Variants in LRIF1 observed in about 807,000 individuals in gnomAD.
LRIF1 encodes ligand dependent nuclear receptor interacting factor 1.
Under a neutral mutation model 52.7 loss-of-function variants are expected in LRIF1, and 32 were observed. The ratio of observed to expected loss-of-function variants is 0.61; its 90% CI spans 0.46 to 0.82. LRIF1 has a LOEUF of 0.82. Among genes scored for constraint, LRIF1 ranks in the 40% least tolerant of loss-of-function variants. The pLI is 0.00. For synonymous variants in LRIF1, 323 were observed against 317.4 expected (o/e 1.02, Z -0.19); for missense variants, 887 against 892.0 (o/e 0.99, Z 0.07).
chr1:110,892,466 T>A, the LRIF1 span: 2 of 1,614,132 alleles, frequency 1.2e-6, no homozygotes, highest in Middle Eastern at 1.7e-4. Flanking sequence ...GTGGGCTCTA[T>A]TATCATGGTA....
the LRIF1 span, among the ~76,000 whole-genome samples, chr1:110,922,864 C>T: frequency 6.6e-6 from 1 of 152,202 alleles, no homozygotes; most frequent in Non-Finnish European, 1.5e-5. Context: ...GAGGCTATGG[C>T]ATTCCTTGGG....
At chr1:110,961,480 C>T (rs1293322233) in intron 1 of LRIF1, among the ~76,000 whole-genome samples, 1 of 152,144 alleles carries the variant, frequency 6.6e-6, no homozygotes, top group Non-Finnish European at 1.5e-5. Context: ...AAATTAAATG[C>T]ATACCATCAC....
the LRIF1 span, chr1:110,897,981 A>T: frequency 1.6e-6 from 1 of 640,434 alleles, no homozygotes; most frequent in Non-Finnish European, 2.7e-6. Flanking sequence ...CAGTATTTAC[A>T]CAATAAATGT....
Position 110,952,460 on chromosome 1 carries a change from T to C in LRIF1, c.424A>G (p.Ile142Val). Residue 142 changes from isoleucine to valine, a missense_variant, in exon 2 of 4, where the codon ATT becomes GTT. Transcript: ENST00000369763. ...AATGTTTGCATGGTGAGTCCATCAA[T>C]TTTCACACCATGACTCTGAACTTTA... ...VSKVQSHGVK[I>V]DGLTMQTFAV... The C allele has an allele frequency of 1.9e-6, 3 of 1,612,270 alleles. No homozygotes were observed. Among genetic ancestry groups the C allele is most frequent in the Non-Finnish European group, 2.5e-6 (3 of 1,178,454 alleles).
the LRIF1 span, chr1:110,937,138 T>C: frequency 6.6e-6 from 1 of 152,214 alleles, no homozygotes; most frequent in Non-Finnish European, 1.5e-5. Flanking sequence ...AGCTGGAGAC[T>C]TGAACACCCA....
chr1:110,954,995 C>T (rs1025200193), intron 1 of LRIF1, among the ~76,000 whole-genome samples: 5 of 152,174 alleles, frequency 3.3e-5, no homozygotes, highest in African/African-American at 7.2e-5. Flanking sequence ...TTATCACTTA[C>T]GCATGAACAA....
chr1:110,896,808 A>G, the LRIF1 span: 3 of 1,257,886 alleles, frequency 2.4e-6, no homozygotes, highest in East Asian at 7.0e-5. Flanking sequence ...CTGCAGTCAT[A>G]GAGGACCTAG....
the LRIF1 span, among the ~76,000 whole-genome samples, chr1:110,909,997 C>CT: frequency 6.6e-6 from 1 of 152,142 alleles, no homozygotes; most frequent in Non-Finnish European, 1.5e-5. Flanking sequence ...CCTAAATATA[C>CT]ATGCACCCAA....
At chr1:110,884,761 C>G in the LRIF1 span, among the ~76,000 whole-genome samples, 3 of 152,034 alleles carry the variant, frequency 2.0e-5, no homozygotes, top group African/African-American at 7.2e-5. Context: ...GACACTCCAG[C>G]CTTTTTTTCC....
chr1:110,894,396 C>T, the LRIF1 span: 1 of 1,612,264 alleles, frequency 6.2e-7, no homozygotes, highest in Non-Finnish European at 8.5e-7. Context: ...TGTATATGAA[C>T]AGAAGGTAAG....
chr1:110,909,333 A>G, the LRIF1 span, among the ~76,000 whole-genome samples: 1 of 152,186 alleles, frequency 6.6e-6, no homozygotes, highest in Non-Finnish European at 1.5e-5. Context: ...TCTACATAAC[A>G]ACCAGCCAAC....
chr1:110,962,360 T>C (rs943506369), intron 1 of LRIF1, among the ~76,000 whole-genome samples: 4 of 152,138 alleles, frequency 2.6e-5, no homozygotes, highest in Non-Finnish European at 5.9e-5. Context: ...TTTTTATGAT[T>C]TGAAATACAA....
the LRIF1 span, among the ~76,000 whole-genome samples, chr1:110,929,795 A>G: frequency 0.62 from 94,459 of 151,924 alleles, 31,151 homozygotes; most frequent in East Asian, 0.74. Context: ...TCACTTATAA[A>G]TGGGAGCTAA....
the LRIF1 span, among the ~76,000 whole-genome samples, chr1:110,877,041 A>G: frequency 6.6e-6 from 1 of 152,204 alleles, no homozygotes; most frequent in Non-Finnish European, 1.5e-5. Context: ...AATATAATTA[A>G]CAATCTATGT....
At chr1:110,903,315 C>A in the LRIF1 span, among the ~76,000 whole-genome samples, 1 of 152,198 alleles carries the variant, frequency 6.6e-6, no homozygotes, top group Non-Finnish European at 1.5e-5. Flanking sequence ...GTGCTGGCAT[C>A]ACCCTTCCCC....
chr1:110,879,870 A>G, the LRIF1 span, among the ~76,000 whole-genome samples: 1 of 152,188 alleles, frequency 6.6e-6, no homozygotes, highest in Non-Finnish European at 1.5e-5. Flanking sequence ...GGCGAGCCTG[A>G]TCGAGGTTCT....
chr1:110,891,398 A>G, the LRIF1 span: 1 of 1,610,910 alleles, frequency 6.2e-7, no homozygotes, highest in South Asian at 1.1e-5. Context: ...TTAGGGCAAG[A>G]ATATCACGGC....
chr1:110,876,105 A>C, the LRIF1 span, among the ~76,000 whole-genome samples: 1 of 152,254 alleles, frequency 6.6e-6, no homozygotes, highest in Admixed American at 6.5e-5. Context: ...ACTTCAAGCG[A>C]AGTTAGAGAT....
At chr1:110,895,026 A>C in the LRIF1 span, 19 of 1,613,780 alleles carry the variant, frequency 1.2e-5, no homozygotes, top group Non-Finnish European at 1.5e-5. Flanking sequence ...CAATAGCACC[A>C]AGGCAGCGTG....
Sources: gnomAD v4.1 joint callset for allele counts (sites outside exome capture counted in the v4.1 genomes callset) on GRCh38, gnomAD v4.1.1 for gene constraint, MANE v1.5 for transcripts, NCBI Gene and HGNC (gene_info 2026-07-23, HGNC 2026-07-21) for gene names.